PRMT8: variants seen among roughly 807,000 people sequenced by gnomAD.
PRMT8 encodes the protein protein arginine N-methyltransferase 8.
In PRMT8, 7 loss-of-function variants were observed where a neutral mutation model predicts 47.1. The ratio of observed to expected loss-of-function variants is 0.15; its 90% CI spans 0.08 to 0.28. The LOEUF (loss-of-function observed/expected upper bound fraction) is 0.28, where lower values mean the gene tolerates loss of function less well. PRMT8 is among the 10% of genes least tolerant of loss of function. The pLI is 1.00. For synonymous variants in PRMT8, 188 were observed against 186.5 expected (o/e 1.01, Z -0.07); for missense variants, 237 against 505.4 (o/e 0.47, Z 5.09).
chr12:3,453,286 T>C lies in PRMT8; in HGVS notation c.48+71844T>C, dbSNP rs975055937. Reference sequence around the variant, plus strand: ...CCTGGCTCCCTTTACACAGGCCTAATATGACCAAACAGCACCCTTAGGACT... The same window carrying C: ...CCTGGCTCCCTTTACACAGGCCTAACATGACCAAACAGCACCCTTAGGACT... On this transcript the variant is annotated intron_variant, in intron 1 of 9. Coordinates refer to the PRMT8 transcript ENST00000452611. The surrounding 1 kb of genome is among the most constrained non-coding windows in gnomAD (Gnocchi z 4.9). Among the ~76,000 whole-genome samples the C allele has an allele frequency of 2.0e-5, 3 of 151,880 alleles. No individual in the cohort carries two copies. Among genetic ancestry groups the C allele is most frequent in the African/African-American group, 7.3e-5 (3 of 41,174 alleles).
At chr12:3,505,613 T>C (rs1865611406) in intron 1 of PRMT8, among the ~76,000 whole-genome samples, 1 of 152,258 alleles carries the variant, frequency 6.6e-6, no homozygotes, top group Non-Finnish European at 1.5e-5. Flanking sequence ...AAAGCAACTC[T>C]TATTAATTCT....
At position 3,408,411 on chromosome 12, in the gene PRMT8, A is replaced by T. The variant is rs187573707; in HGVS notation, c.48+26969A>T. On this transcript the variant is annotated intron_variant, in intron 1 of 9. Transcript: ENST00000452611. Reference sequence around the variant, plus strand: ...AATATCCTTGGCTAAATTAAAAAAAATTTTTTGTAGAAATGAGACTTCCCT... The same window carrying T: ...AATATCCTTGGCTAAATTAAAAAAATTTTTTTGTAGAAATGAGACTTCCCT... Among the ~76,000 whole-genome samples the T allele has an allele frequency of 5.0e-3, 759 of 152,100 alleles. 3 individuals are homozygous for T. The highest frequency in any genetic ancestry group is 0.01 in the Middle Eastern group (3 of 294).
chr12:3,445,590 G>C (rs904038381), intron 1 of PRMT8, among the ~76,000 whole-genome samples: 13 of 152,156 alleles, frequency 8.5e-5, no homozygotes, highest in Non-Finnish European at 1.9e-4. Flanking sequence ...AGCTCTCGGT[G>C]TTACTCCACA....
Position 3,552,029 on chromosome 12 carries a change from ACCAG to A in PRMT8, c.418-1619_418-1616del, listed in dbSNP as rs1483842897. 1 of 152,356 alleles carries A rather than the reference ACCAG, an allele frequency of 6.6e-6. No individual in the cohort carries two copies. The highest frequency in any genetic ancestry group is 1.9e-4 in the East Asian group (1 of 5,200). The allele number at this position is 152,356 out of a possible 1,614,324, so 9.4% of individuals were successfully genotyped here. A position where few individuals can be genotyped will look rare whatever the true frequency, so the allele number is the denominator to read the frequency against. On this transcript the variant is annotated intron_variant, in intron 3 of 9. Coordinates refer to ENST00000382622, the MANE Select transcript of PRMT8 (RefSeq NM_019854.5). The surrounding 1 kb of genome is among the most constrained non-coding windows in gnomAD (Gnocchi z 4.5). ...GATCACCTGAGGTCAGGAGTTCAAG[ACCAG>A]CCTGGCCAACATGGCGAAACCCTGT...
chr12:3,563,176 G>A (rs1435236470), intron 4 of PRMT8, among the ~76,000 whole-genome samples: 3 of 152,046 alleles, frequency 2.0e-5, no homozygotes, highest in Non-Finnish European at 4.4e-5. Context: ...CACTGCCTAA[G>A]GGAGGAGAGA....
chr12:3,542,265 G>A (rs1035792814), intron 2 of PRMT8, among the ~76,000 whole-genome samples: 4 of 152,200 alleles, frequency 2.6e-5, no homozygotes, highest in Non-Finnish European at 4.4e-5. Flanking sequence ...CAGGGGAGGA[G>A]GACTGGGGCC....
At chr12:3,586,554 G>T (rs1184694177) in intron 8 of PRMT8, among the ~76,000 whole-genome samples, 4 of 152,218 alleles carry the variant, frequency 2.6e-5, no homozygotes, top group Middle Eastern at 3.2e-3. Context: ...CTCAAAGTGT[G>T]GTTCCTGGAC....
chr12:3,559,920 G>A (rs1279154601), intron 4 of PRMT8, among the ~76,000 whole-genome samples: 1 of 152,184 alleles, frequency 6.6e-6, no homozygotes, highest in Non-Finnish European at 1.5e-5. Flanking sequence ...TGATGGCTCA[G>A]ACTTGATTCT....
chr12:3,504,875 C>G (rs1865592539), intron 1 of PRMT8, among the ~76,000 whole-genome samples: 1 of 26,078 alleles, frequency 3.8e-5, no homozygotes, highest in Non-Finnish European at 8.6e-5. Flanking sequence ...GTAGGACCCT[C>G]TGAGCCAGGT....
At chr12:3,510,103 G>T (rs11062691) in intron 1 of PRMT8, among the ~76,000 whole-genome samples, 24,753 of 152,108 alleles carry the variant, frequency 0.16, 2,259 homozygotes, top group East Asian at 0.25. Flanking sequence ...ATTACTGGCT[G>T]CTCTGAGCAG....
intron 1 of PRMT8, among the ~76,000 whole-genome samples, chr12:3,428,104 C>A (rs1300546215): frequency 3.3e-5 from 5 of 152,196 alleles, no homozygotes; most frequent in African/African-American, 1.2e-4. Flanking sequence ...GAGGAACCAT[C>A]TATCATCCTG....
intron 1 of PRMT8, among the ~76,000 whole-genome samples, chr12:3,512,075 C>T (rs1226800762): frequency 1.3e-5 from 2 of 152,118 alleles, no homozygotes; most frequent in Non-Finnish European, 2.9e-5. Context: ...TTTGATGTGG[C>T]TCTTGACAGT....
chr12:3,414,025 A>G (rs1864460030), intron 1 of PRMT8, among the ~76,000 whole-genome samples: 1 of 152,214 alleles, frequency 6.6e-6, no homozygotes, highest in African/African-American at 2.4e-5. Flanking sequence ...CCAAAAAGAC[A>G]TAGGTCAAAT....
intron 1 of PRMT8, among the ~76,000 whole-genome samples, chr12:3,526,782 G>A (rs1865955199): frequency 6.6e-6 from 1 of 152,024 alleles, no homozygotes; most frequent in African/African-American, 2.4e-5. Flanking sequence ...AATATACATT[G>A]TTTGATATTA....
At chr12:3,496,214 A>ATATATATATATATAT in intron 1 of PRMT8, among the ~76,000 whole-genome samples, 6 of 27,774 alleles carry the variant, frequency 2.2e-4, no homozygotes, top group Non-Finnish European at 3.2e-4. Flanking sequence ...ATATATATAT[A>ATATATATATATATAT]TTTTTTTTTT....
At chr12:3,545,643 C>T (rs1219193742) in intron 2 of PRMT8, among the ~76,000 whole-genome samples, 1 of 152,212 alleles carries the variant, frequency 6.6e-6, no homozygotes, top group Admixed American at 6.5e-5. Context: ...GGAAATGTAG[C>T]ACCACCTGGC....
rs116157911 is a variant in PRMT8, at chr12:3,485,316, A to G, written c.49-55290A>G. ...TTTTATTTCATGGATCTTCCTCCTC[A>G]AGTGCGTGATCCAGGGCGATGTTGG... is the stretch of plus-strand genomic sequence containing the variant. On this transcript the variant is annotated intron_variant, in intron 1 of 9. Coordinates refer to the PRMT8 transcript ENST00000452611. 7.7e-3 allele frequency among the ~76,000 whole-genome samples: 1,177 copies of G among 152,248 alleles called. 14 individuals carry two copies. The highest frequency in any genetic ancestry group is 0.026 in the African/African-American group (1,088 of 41,548).
intron 4 of PRMT8, among the ~76,000 whole-genome samples, chr12:3,558,393 T>A (rs1866564603): frequency 6.6e-6 from 1 of 152,166 alleles, no homozygotes; most frequent in Non-Finnish European, 1.5e-5. Flanking sequence ...AATACATTAG[T>A]GTGCATTTCA....
chr12:3,459,923 C>G (rs1865022313), intron 1 of PRMT8, among the ~76,000 whole-genome samples: 1 of 152,142 alleles, frequency 6.6e-6, no homozygotes, highest in Non-Finnish European at 1.5e-5. Flanking sequence ...GGTTGAGAGG[C>G]CCCCGTGCCC....
Sources: gnomAD v4.1 joint callset for allele counts (sites outside exome capture counted in the v4.1 genomes callset) on GRCh38, gnomAD v4.1.1 for gene constraint, Gnocchi (gnomAD v3.1) non-coding constraint, MANE v1.5 for transcripts, NCBI Gene and HGNC (gene_info 2026-07-23, HGNC 2026-07-21) for gene names.